The following OPCML variants were observed in gnomAD, a reference collection of about 807,000 sequenced individuals.
The protein encoded by OPCML is opioid binding protein/cell adhesion molecule like.
Under a neutral mutation model 37.8 loss-of-function variants are expected in OPCML, and 13 were observed. The observed-to-expected ratio is 0.34, with a 90% CI of 0.22 to 0.55. The LOEUF (loss-of-function observed/expected upper bound fraction) is 0.55, where lower values mean the gene tolerates loss of function less well. Among genes scored for constraint, OPCML ranks in the 20% least tolerant of loss-of-function variants. The pLI, the probability that OPCML is intolerant of heterozygous loss-of-function variation, is 0.91. For missense variants in OPCML, 341 were observed against 435.6 expected (o/e 0.78, Z 1.93); for synonymous variants, 176 against 168.8 (o/e 1.04, Z -0.33).
chr11:132,579,587 G>A (rs1317747138), intron 3 of OPCML, among the ~76,000 whole-genome samples: 2 of 152,108 alleles, frequency 1.3e-5, no homozygotes, highest in Admixed American at 1.3e-4. Context: ...TCCTGCTCAT[G>A]GTTTCAGGGA....
At chr11:132,555,346 G>A (rs2096392869) in intron 3 of OPCML, among the ~76,000 whole-genome samples, 1 of 152,076 alleles carries the variant, frequency 6.6e-6, no homozygotes, top group South Asian at 2.1e-4. Flanking sequence ...GAGAGAGAAT[G>A]AGAACATGGA....
intron 2 of OPCML, among the ~76,000 whole-genome samples, chr11:132,865,867 T>G (rs551282496): frequency 3.9e-5 from 6 of 152,312 alleles, no homozygotes; most frequent in Admixed American, 3.9e-4. Flanking sequence ...GAGAGTACTT[T>G]ATCCAGTTGA....
At chr11:133,518,548 T>C (rs1466982632) in intron 1 of OPCML, among the ~76,000 whole-genome samples, 2 of 152,030 alleles carry the variant, frequency 1.3e-5, no homozygotes, top group Non-Finnish European at 2.9e-5. Flanking sequence ...CATATAAATT[T>C]GCATGCACAA....
intron 2 of OPCML, among the ~76,000 whole-genome samples, chr11:132,779,481 T>C (rs1021326736): frequency 1.3e-5 from 2 of 151,924 alleles, no homozygotes; most frequent in African/African-American, 4.8e-5. Context: ...AGTACTTTTT[T>C]GTAGGAATGT....
At chr11:132,769,707 G>A (rs1007477007) in intron 2 of OPCML, among the ~76,000 whole-genome samples, 8 of 152,048 alleles carry the variant, frequency 5.3e-5, no homozygotes, top group Non-Finnish European at 1.0e-4. Context: ...TGGGAGACTC[G>A]CGCACCCACA....
In OPCML at chr11:132,900,012, G is replaced by C. The variant is rs182766336; in HGVS notation, c.146+42914C>G. ...TCCCCCATATGTAGACGGCTGTCAC[G>C]GGACTTCTCAGATTCCATAATCAGG... On this transcript the variant is annotated intron_variant, in intron 2 of 7. Transcript: ENST00000524381. Among the ~76,000 whole-genome samples, 9 of 152,106 alleles carry C rather than the reference G, an allele frequency of 5.9e-5. No individual in the cohort carries two copies. In the South Asian group the frequency reaches 6.2e-4, roughly 11 times the overall value.
intron 2 of OPCML, among the ~76,000 whole-genome samples, chr11:132,830,480 A>C (rs1432500739): frequency 6.6e-6 from 1 of 152,210 alleles, no homozygotes; most frequent in African/African-American, 2.4e-5. Flanking sequence ...CCCTCCCTGC[A>C]CTGGGACATG....
chr11:132,863,995 T>C (rs1942417652), intron 2 of OPCML, among the ~76,000 whole-genome samples: 1 of 152,140 alleles, frequency 6.6e-6, no homozygotes, highest in South Asian at 2.1e-4. Context: ...TGGAGTGCAA[T>C]GGTGAGATCT....
intron 2 of OPCML, among the ~76,000 whole-genome samples, chr11:132,858,226 G>T (rs763712026): frequency 2.6e-5 from 4 of 152,190 alleles, no homozygotes; most frequent in African/African-American, 9.6e-5. Flanking sequence ...AGGCTCTGGG[G>T]TTGTCACCAA....
intron 2 of OPCML, among the ~76,000 whole-genome samples, chr11:132,884,065 T>C (rs1203147786): frequency 6.6e-6 from 1 of 152,178 alleles, no homozygotes; most frequent in Non-Finnish European, 1.5e-5. Context: ...TTAAAAATCA[T>C]CTAATCGTAG....
intron 1 of OPCML, among the ~76,000 whole-genome samples, chr11:133,467,233 G>A (rs1201599303): frequency 3.3e-5 from 5 of 152,140 alleles, no homozygotes; most frequent in Admixed American, 3.3e-4. Context: ...TTAGAGAGCT[G>A]ATAGTTTTCA....
At chr11:132,901,098 T>C (rs1309896068) in intron 2 of OPCML, among the ~76,000 whole-genome samples, 1 of 152,042 alleles carries the variant, frequency 6.6e-6, no homozygotes, top group South Asian at 2.1e-4. Context: ...GAGAATCACT[T>C]GAACCCGGGA....
chr11:133,354,565 A>T (rs971052864), intron 1 of OPCML, among the ~76,000 whole-genome samples: 25 of 152,258 alleles, frequency 1.6e-4, no homozygotes, highest in Admixed American at 4.6e-4. Flanking sequence ...TAACCAACAG[A>T]TTATTTTAAC....
chr11:132,852,933 C>T (rs970571776), intron 2 of OPCML, among the ~76,000 whole-genome samples: 2 of 150,838 alleles, frequency 1.3e-5, no homozygotes, highest in African/African-American at 4.9e-5. Flanking sequence ...GAAGATTTGA[C>T]AGACACCTTA....
At chr11:132,606,332 C>G (rs1288479463) in intron 3 of OPCML, among the ~76,000 whole-genome samples, 1 of 152,276 alleles carries the variant, frequency 6.6e-6, no homozygotes, top group African/African-American at 2.4e-5. Flanking sequence ...TGGGGAGACG[C>G]TCGTCCTGTC....
At chr11:133,085,103 A>C (rs1314190828) in intron 1 of OPCML, among the ~76,000 whole-genome samples, 1 of 152,210 alleles carries the variant, frequency 6.6e-6, no homozygotes, top group East Asian at 1.9e-4. Flanking sequence ...GTTGAAGTTC[A>C]TCCTTCCATT....
chr11:132,420,811 T>C (rs2095955906), intron 7 of OPCML, among the ~76,000 whole-genome samples: 1 of 152,180 alleles, frequency 6.6e-6, no homozygotes, highest in Non-Finnish European at 1.5e-5. Flanking sequence ...AGGCTCCTCC[T>C]GCAGCAGCTA....
intron 1 of OPCML, among the ~76,000 whole-genome samples, chr11:133,220,618 A>G (rs2136361490): frequency 6.6e-6 from 1 of 152,272 alleles, no homozygotes; most frequent in East Asian, 1.9e-4. Flanking sequence ...TTGTGGTAGC[A>G]AATGCTCCGT....
intron 2 of OPCML, among the ~76,000 whole-genome samples, chr11:132,734,263 T>A (rs1939516): frequency 0.7 from 105,944 of 152,034 alleles, 37,809 homozygotes; most frequent in African/African-American, 0.84. Flanking sequence ...CTTAAGTAGA[T>A]CCCTCCTACA....
Sources: gnomAD v4.1 joint callset for allele counts (sites outside exome capture counted in the v4.1 genomes callset) on GRCh38, gnomAD v4.1.1 for gene constraint, MANE v1.5 for transcripts, NCBI Gene and HGNC (gene_info 2026-07-23, HGNC 2026-07-21) for gene names.